The following ESPN variants were observed in gnomAD, a reference collection of about 807,000 sequenced individuals.
The protein encoded by ESPN is espin.
In ESPN, 68 loss-of-function variants were observed where a neutral mutation model predicts 77.7. That is an observed-to-expected ratio of 0.87 (90% CI 0.72 to 1.07). The LOEUF is 1.07. ESPN is among the 50% of genes least tolerant of loss of function. The pLI is 0.00. For synonymous variants in ESPN, 449 were observed against 567.1 expected (o/e 0.79, Z 2.96); for missense variants, 1,060 against 1,239.0 (o/e 0.86, Z 2.17).
At position 6,460,494 on chromosome 1, in the gene ESPN, TCAGCCCCCTCCAGGATG is replaced by T. The variant is rs1644140119; in HGVS notation, c.*360_*376del. On this transcript the variant is annotated 3_prime_UTR_variant, in exon 13 of 13. Coordinates refer to ENST00000645284, the MANE Select transcript of ESPN (RefSeq NM_031475.3). The stretch of plus-strand genomic sequence containing the variant: ...TGGTGACTTTGTTTTCCTGCGGGGC[TCAGCCCCCTCCAGGATG>T]CAGCCCCCTCCCCCGCACCCCGGAA... 2 of 208,790 alleles carry T rather than the reference TCAGCCCCCTCCAGGATG, an allele frequency of 9.6e-6. No homozygotes were observed. Among genetic ancestry groups the T allele is most frequent in the South Asian group, 8.5e-5 (1 of 11,770 alleles). 12.9% of individuals were successfully genotyped at this position (208,790 alleles called of 1,614,324 possible). A position where few individuals can be genotyped will look rare whatever the true frequency, so the allele number is the denominator to read the frequency against.
At position 6,450,057 on chromosome 1, in the gene ESPN, C is replaced by G. The variant is rs1326651826; in HGVS notation, c.1915+966C>G. 1.3e-5 allele frequency among the ~76,000 whole-genome samples: 2 copies of G among 152,200 alleles called. No homozygotes were observed. Among genetic ancestry groups the G allele is most frequent in the African/African-American group, 4.8e-5 (2 of 41,452 alleles). ...CCAGCACCTGCCGAACCTCCTTCTT[C>G]CCTCCACAGCCTGCAGCAGGGCTGA... is the stretch of plus-strand genomic sequence containing the variant. On this transcript the variant is annotated intron_variant, in intron 8 of 12. Coordinates refer to ENST00000645284, the MANE Select transcript of ESPN (RefSeq NM_031475.3). The surrounding 1 kb of genome is among the most constrained non-coding windows in gnomAD (Gnocchi z 4.3).
chr1:6,444,097 G>A (rs1249189217), intron 5 of ESPN, among the ~76,000 whole-genome samples: 3 of 152,230 alleles, frequency 2.0e-5, no homozygotes, highest in Non-Finnish European at 4.4e-5. Flanking sequence ...TTGCCAGCCA[G>A]GTAACTAGGG....
intron 12 of ESPN, among the ~76,000 whole-genome samples, chr1:6,457,884 G>A (rs1644083841): frequency 6.6e-6 from 1 of 151,810 alleles, no homozygotes; most frequent in African/African-American, 2.4e-5. Context: ...GTAAAAGTAA[G>A]TCTTTGGCCA....
At chr1:6,431,028 C>T (rs1255766247) in intron 2 of ESPN, among the ~76,000 whole-genome samples, 2 of 152,332 alleles carry the variant, frequency 1.3e-5, no homozygotes, top group East Asian at 3.9e-4. Context: ...TCCTGGAGCC[C>T]AGGAGCTCAC....
At position 6,445,786 on chromosome 1, in the gene ESPN, C is replaced by G; in HGVS notation, c.1315C>G (p.Pro439Ala). The G allele has an allele frequency of 1.5e-6, 2 of 1,353,094 alleles. No individual in the cohort carries two copies. The highest frequency in any genetic ancestry group is 2.1e-6 in the Non-Finnish European group (2 of 975,390). The allele number at this position is 1,353,094 out of a possible 1,614,324, so 83.8% of individuals were successfully genotyped here. A position where few individuals can be genotyped will look rare whatever the true frequency, so the allele number is the denominator to read the frequency against. The change falls in exon 7 of 13, where the codon CCG becomes GCG. Residue 439 changes from proline to alanine, a missense_variant. By Grantham distance (27) the Pro-to-Ala change is conservative (BLOSUM62 -1). This residue lies in a region of ESPN where 556 missense variants were observed against 633.6 expected (regional missense o/e 0.88). Coordinates refer to ENST00000645284, the MANE Select transcript of ESPN (RefSeq NM_031475.3). ...TPPPPPPSFPPPPPPPGTQLP... is the reference protein window; with the variant it reads ...TPPPPPPSFPAPPPPPGTQLP... ...CCCACCACCCCCACCCAGCTTCCCC[C>G]CGCCACCCCCGCCCCCAGGCACCCA...
chr1:6,459,725 CA>C (rs1346396286), intron 12 of ESPN, among the ~76,000 whole-genome samples: 3 of 152,174 alleles, frequency 2.0e-5, no homozygotes, highest in Non-Finnish European at 2.9e-5. Context: ...CACATGGTGC[CA>C]CACAGTGACC....
intron 6 of ESPN, among the ~76,000 whole-genome samples, chr1:6,445,104 C>T (rs1249528057): frequency 6.7e-6 from 1 of 148,946 alleles, no homozygotes; most frequent in Non-Finnish European, 1.5e-5. Flanking sequence ...TGCACGCACA[C>T]ACACACACAT....
intron 2 of ESPN, among the ~76,000 whole-genome samples, chr1:6,430,778 G>GA (rs887126456): frequency 1.8e-3 from 266 of 149,294 alleles, no homozygotes; most frequent in African/African-American, 5.9e-3. Context: ...TCTCAAGGGG[G>GA]AAAAAAAAAG....
intron 2 of ESPN, among the ~76,000 whole-genome samples, chr1:6,432,390 G>A (rs138904953): frequency 1.9e-3 from 283 of 152,338 alleles, no homozygotes; most frequent in African/African-American, 6.0e-3. Context: ...GGGCGTGGGG[G>A]CAGGGCCTGT....
At chr1:6,456,305 G>C (rs1194294139) in intron 10 of ESPN, 3 of 388,170 alleles carry the variant, frequency 7.7e-6, no homozygotes, top group African/African-American at 2.1e-5. Context: ...GCCCAGGACT[G>C]TGGCCTTGAG....
chr1:6,453,908 G>C (rs562814768), intron 10 of ESPN, among the ~76,000 whole-genome samples: 39 of 152,308 alleles, frequency 2.6e-4, no homozygotes, highest in African/African-American at 8.2e-4. Flanking sequence ...CAGCTCAGTG[G>C]AAGCTGCAGC....
intron 12 of ESPN, among the ~76,000 whole-genome samples, chr1:6,458,859 A>G (rs1184939374): frequency 6.6e-6 from 1 of 151,116 alleles, no homozygotes; most frequent in South Asian, 2.1e-4. Flanking sequence ...TGAATCTGGA[A>G]GGCGGAGGTT....
At position 6,451,234 on chromosome 1, in the gene ESPN, C is replaced by G. The variant is rs2148537650; in HGVS notation, c.1916-369C>G. The G allele has an allele frequency of 2.7e-5, 10 of 373,122 alleles. No homozygotes were observed. The highest frequency in any genetic ancestry group is 2.2e-4 in the South Asian group (10 of 44,632). 23.1% of individuals were successfully genotyped at this position (373,122 alleles called of 1,614,324 possible). A position where few individuals can be genotyped will look rare whatever the true frequency, so the allele number is the denominator to read the frequency against. Reference sequence around the variant, plus strand: ...AGGCTCCACCCCAGCCGGGCTGAGCCAGGGAACCTGGGACAAAGGTCAGGT... The same window carrying G: ...AGGCTCCACCCCAGCCGGGCTGAGCGAGGGAACCTGGGACAAAGGTCAGGT... On this transcript the variant is annotated intron_variant, in intron 8 of 12. Coordinates refer to ENST00000645284, the MANE Select transcript of ESPN (RefSeq NM_031475.3). This position sits in a 1 kb window ranked among gnomAD's most constrained non-coding sequence, Gnocchi z 4.3.
Position 6,428,431 on chromosome 1 carries a change from C to T in ESPN, c.488+12C>T, listed in dbSNP as rs766911398. ...GAGCACTACCCTGAGTAAGATCACCCCTCTTAAGGGGTCCTCTGGGTGGGC... is the reference window on the plus strand; with the variant it reads ...GAGCACTACCCTGAGTAAGATCACCTCTCTTAAGGGGTCCTCTGGGTGGGC... On this transcript the variant is annotated intron_variant, in intron 2 of 12. Coordinates refer to ENST00000645284, the MANE Select transcript of ESPN (RefSeq NM_031475.3). This position sits in a 1 kb window ranked among gnomAD's most constrained non-coding sequence, Gnocchi z 5.4. 13 of 1,600,938 alleles carry T rather than the reference C, an allele frequency of 8.1e-6. No homozygotes were observed. In the African/African-American group the frequency reaches 9.4e-5, roughly 12 times the overall value.
At position 6,448,727 on chromosome 1, in the gene ESPN, G is replaced by A; in HGVS notation, c.1551G>A (p.Gly517=). 2 of 1,494,090 alleles carry A rather than the reference G, an allele frequency of 1.3e-6. No homozygotes were observed. The highest frequency in any genetic ancestry group is 1.3e-5 in the South Asian group (1 of 79,738). 92.6% of individuals were successfully genotyped at this position (1,494,090 alleles called of 1,614,324 possible). ...PRAFSKQPST[G]DYYRQLGRCP... is the part of the protein sequence containing the mutation. The stretch of plus-strand genomic sequence containing the variant: ...CCTTCAGCAAGCAGCCCAGCACGGG[G>A]GACTACTACCGGCAGCTGGGCCGCT... The change falls in exon 8 of 13, where the codon GGG becomes GGA. Residue 517 remains glycine (G), a synonymous_variant. Transcript: ENST00000645284.
Position 6,460,542 on chromosome 1 carries a change from G to T in ESPN, c.*396G>T, listed in dbSNP as rs1644141408. 5.6e-6 allele frequency: 1 copy of T among 179,740 alleles called. No individual in the cohort carries two copies. The highest frequency in any genetic ancestry group is 2.4e-5 in the African/African-American group (1 of 41,888). 11.1% of individuals were successfully genotyped at this position (179,740 alleles called of 1,614,324 possible). On this transcript the variant is annotated 3_prime_UTR_variant, in exon 13 of 13. Coordinates refer to ENST00000645284, the MANE Select transcript of ESPN (RefSeq NM_031475.3). ...CCCTCCCCCGCACCCCGGAACCGGC[G>T]TCGCTGGCGCATCCTGGGTGGAGGC...
chr1:6,441,204 C>G (rs1470605855), intron 5 of ESPN, 139 bp downstream of exon 5: 19 of 1,233,938 alleles, frequency 1.5e-5, no homozygotes, highest in East Asian at 5.1e-5. Flanking sequence ...ACCTCTCAGC[C>G]CAGAACCACT....
At chr1:6,436,046 G>A (rs549136433) in intron 2 of ESPN, among the ~76,000 whole-genome samples, 1 of 152,186 alleles carries the variant, frequency 6.6e-6, no homozygotes, top group African/African-American at 2.4e-5. Flanking sequence ...TCCTCCTGCC[G>A]GGGCTGTGCC....
chr1:6,437,274 T>G lies in ESPN; in HGVS notation c.489-2980T>G, dbSNP rs1386258264. 2.0e-5 allele frequency: 3 copies of G among 152,206 alleles called. No homozygotes were observed. The East Asian group carries it at 5.8e-4, about 29-fold the overall frequency. The allele number at this position is 152,206 out of a possible 1,614,324, so 9.4% of individuals were successfully genotyped here. A position where few individuals can be genotyped will look rare whatever the true frequency, so the allele number is the denominator to read the frequency against. On this transcript the variant is annotated intron_variant, in intron 2 of 12. Transcript: ENST00000645284. The surrounding 1 kb of genome is among the most constrained non-coding windows in gnomAD (Gnocchi z 4.5). ...CGGCTGGCTGGGCACCCCTGGGTCA[T>G]GGATCTCTGCCAAGTGGGGGGTGCT...
Sources: allele counts gnomAD v4.1 joint callset (sites outside exome capture counted in the v4.1 genomes callset), GRCh38; gene constraint gnomAD v4.1.1; regional missense constraint gnomAD v4.1.1; non-coding constraint Gnocchi (gnomAD v3.1); transcripts MANE v1.5; gene names NCBI Gene and HGNC (gene_info 2026-07-23, HGNC 2026-07-21).